Variants in ASTN2 observed in about 807,000 individuals in gnomAD.
ASTN2 encodes the protein astrotactin 2, also known as astrotactin-2.
ASTN2 carries 54 observed loss-of-function variants against 139.8 expected under a neutral mutation model. That is an observed-to-expected ratio of 0.39 (90% CI 0.31 to 0.48). The LOEUF (loss-of-function observed/expected upper bound fraction) is 0.48. Ranked by LOEUF, ASTN2 falls within the 20% of genes least tolerant of loss-of-function variation. The probability of loss-of-function intolerance (pLI) is 0.95; values close to 1 mark genes in which losing one functional copy is unlikely to be tolerated. For synonymous variants in ASTN2, 756 were observed against 719.5 expected (o/e 1.05, Z -0.81); for missense variants, 1,565 against 1,725.1 (o/e 0.91, Z 1.64).
intron 11 of ASTN2, among the ~76,000 whole-genome samples, chr9:116,839,043 G>C (rs1419645482): frequency 6.6e-6 from 1 of 152,126 alleles, no homozygotes; most frequent in African/African-American, 2.4e-5. Flanking sequence ...ATTTCTTTAA[G>C]TCTCATGGCC....
At chr9:116,679,926 G>T (rs1229377796) in intron 16 of ASTN2, among the ~76,000 whole-genome samples, 2 of 152,166 alleles carry the variant, frequency 1.3e-5, no homozygotes, top group African/African-American at 2.4e-5. Flanking sequence ...AAGCAGGAAA[G>T]ATCTAAAATT....
At chr9:116,990,204 A>T (rs1479688587) in intron 7 of ASTN2, among the ~76,000 whole-genome samples, 1 of 152,116 alleles carries the variant, frequency 6.6e-6, no homozygotes, top group African/African-American at 2.4e-5. Flanking sequence ...GTGCCACCAA[A>T]AAAGAGTACA....
intron 7 of ASTN2, among the ~76,000 whole-genome samples, chr9:117,003,951 C>T (rs1056368361): frequency 3.6e-4 from 47 of 130,988 alleles, no homozygotes; most frequent in African/African-American, 2.9e-4. Context: ...CGCGCGCGCG[C>T]GCGTGTGTGT....
chr9:117,221,150 G>T (rs969855587), intron 2 of ASTN2, among the ~76,000 whole-genome samples: 2 of 152,108 alleles, frequency 1.3e-5, no homozygotes, highest in African/African-American at 4.8e-5. Context: ...CATCAACAAG[G>T]CACCTGACCA....
At chr9:116,554,210 G>A (rs190526787) in intron 19 of ASTN2, among the ~76,000 whole-genome samples, 1 of 152,128 alleles carries the variant, frequency 6.6e-6, no homozygotes, top group Non-Finnish European at 1.5e-5. Context: ...ATACCACAGA[G>A]ACACAGTGTT....
chr9:116,450,096 T>C (rs574622022), intron 20 of ASTN2, among the ~76,000 whole-genome samples: 20 of 152,312 alleles, frequency 1.3e-4, no homozygotes, highest in Admixed American at 1.2e-3. Context: ...CTGCAACAAC[T>C]AACAAGCATT....
At chr9:116,525,074 T>A (rs1018270386) in intron 19 of ASTN2, among the ~76,000 whole-genome samples, 1 of 152,162 alleles carries the variant, frequency 6.6e-6, no homozygotes, top group Admixed American at 6.6e-5. Flanking sequence ...TTGACTGAAA[T>A]GCTGATAGTA....
chr9:116,846,503 TG>T (rs1481738497), intron 11 of ASTN2, among the ~76,000 whole-genome samples: 2 of 152,150 alleles, frequency 1.3e-5, no homozygotes, highest in African/African-American at 4.8e-5. Flanking sequence ...TGTTTCAGGA[TG>T]GTTTCTGATC....
chr9:117,299,992 C>T (rs769962331), intron 1 of ASTN2, among the ~76,000 whole-genome samples: 16 of 152,180 alleles, frequency 1.1e-4, no homozygotes, highest in Non-Finnish European at 1.9e-4. Flanking sequence ...GTCTGGCCTA[C>T]TTACATCACA....
At chr9:117,146,800 A>G (rs116058961) in intron 3 of ASTN2, among the ~76,000 whole-genome samples, 1,777 of 152,294 alleles carry the variant, frequency 0.012, 40 homozygotes, top group African/African-American at 0.04. Context: ...AAAAAAAATT[A>G]AAAGGATAGA....
At position 117,270,442 on chromosome 9, in the gene ASTN2, G is replaced by GT. The variant is rs534173231; in HGVS notation, c.630+20883dup. ...ATATAAGTGGAATCATAAAGTATTT[G>GT]TTTTTTTGTGACAATGAGGGTCACA... is the stretch of plus-strand genomic sequence containing the variant. On this transcript the variant is annotated intron_variant, in intron 2 of 22. Transcript: ENST00000313400. 5.8e-3 allele frequency among the ~76,000 whole-genome samples: 877 copies of GT among 152,236 alleles called. 12 individuals are homozygous for GT. Among genetic ancestry groups the GT allele is most frequent in the African/African-American group, 0.02 (845 of 41,538 alleles).
chr9:117,023,253 A>G (rs1468358970), intron 6 of ASTN2, among the ~76,000 whole-genome samples: 2 of 152,122 alleles, frequency 1.3e-5, no homozygotes, highest in Admixed American at 1.3e-4. Flanking sequence ...TGCCCATTCC[A>G]CAGAAAAGCT....
intron 1 of ASTN2, among the ~76,000 whole-genome samples, chr9:117,295,759 A>AG (rs1393200608): frequency 6.6e-6 from 1 of 151,584 alleles, no homozygotes; most frequent in Admixed American, 6.6e-5. Context: ...TAAAAAAAAA[A>AG]AAGAAGAAGA....
In ASTN2 at chr9:117,340,461, A is replaced by G. The variant is rs115600891; in HGVS notation, c.443-48948T>C. ...GAAAAATGCCCGGTGCACCCTGCTAAATTTTTCTGCCACCTCTAAAGAATA... is the reference window on the plus strand; with the variant it reads ...GAAAAATGCCCGGTGCACCCTGCTAGATTTTTCTGCCACCTCTAAAGAATA... On this transcript the variant is annotated intron_variant, in intron 1 of 22. Coordinates refer to ENST00000313400, the MANE Select transcript of ASTN2 (RefSeq NM_001365068.1). Among the ~76,000 whole-genome samples, 1,274 of 152,082 alleles carry G rather than the reference A, an allele frequency of 8.4e-3. 16 individuals carry two copies. The highest frequency in any genetic ancestry group is 0.029 in the African/African-American group (1,218 of 41,496).
At chr9:116,612,403 A>G (rs1002812705) in intron 19 of ASTN2, 1 of 152,200 alleles carries the variant, frequency 6.6e-6, no homozygotes, top group Non-Finnish European at 1.5e-5. Flanking sequence ...ATCCACCCCA[A>G]TCAACAGAAT....
intron 2 of ASTN2, among the ~76,000 whole-genome samples, chr9:117,269,861 T>C (rs994556298): frequency 2.6e-5 from 4 of 152,204 alleles, no homozygotes; most frequent in Non-Finnish European, 4.4e-5. Context: ...TTATCTACTG[T>C]CCCAATGGTT....
intron 5 of ASTN2, among the ~76,000 whole-genome samples, chr9:117,042,170 G>C (rs1220679168): frequency 6.6e-6 from 1 of 152,206 alleles, no homozygotes; most frequent in African/African-American, 2.4e-5. Flanking sequence ...ATCCAACACT[G>C]GCCATACAAC....
At chr9:116,855,021 AG>A (rs1326967718) in intron 11 of ASTN2, among the ~76,000 whole-genome samples, 1 of 152,014 alleles carries the variant, frequency 6.6e-6, no homozygotes, top group Non-Finnish European at 1.5e-5. Flanking sequence ...CTTTGGAAAA[AG>A]GGGGGCTGCT....
At chr9:117,243,260 T>C (rs1317471500) in intron 2 of ASTN2, among the ~76,000 whole-genome samples, 1 of 152,210 alleles carries the variant, frequency 6.6e-6, no homozygotes, top group Non-Finnish European at 1.5e-5. Flanking sequence ...AATTGTATAG[T>C]ACTTTGTTGT....
Sources: gnomAD v4.1 joint callset for allele counts (sites outside exome capture counted in the v4.1 genomes callset) on GRCh38, gnomAD v4.1.1 for gene constraint, MANE v1.5 for transcripts, NCBI Gene and HGNC (gene_info 2026-07-23, HGNC 2026-07-21) for gene names.